The following RANBP2 variants were observed in gnomAD, a reference collection of about 807,000 sequenced individuals.
RANBP2 encodes the protein E3 SUMO-protein ligase RanBP2.
In RANBP2, 57 loss-of-function variants were observed where a neutral mutation model predicts 303.6. The ratio of observed to expected loss-of-function variants is 0.19; its 90% CI spans 0.15 to 0.23. The LOEUF is 0.23. Ranked by LOEUF, RANBP2 falls within the 10% of genes least tolerant of loss-of-function variation. The probability of loss-of-function intolerance (pLI) is 1.00; values close to 1 mark genes in which losing one functional copy is unlikely to be tolerated. For synonymous variants in RANBP2, 1,167 were observed against 1,301.5 expected, an observed-to-expected ratio of 0.90 and a Z score of 2.23; for missense variants, 3,138 against 3,780.8, an observed-to-expected ratio of 0.83 and a Z score of 4.46.
intron 17 of RANBP2, among the ~76,000 whole-genome samples, chr2:108,756,288 T>C (rs1676311614): frequency 6.6e-6 from 1 of 152,214 alleles, no homozygotes; most frequent in South Asian, 2.1e-4. Context: ...TACTATATTT[T>C]AATACTTCCA....
At chr2:108,906,866 C>T in the RANBP2 span, among the ~76,000 whole-genome samples, 2 of 152,290 alleles carry the variant, frequency 1.3e-5, no homozygotes, top group East Asian at 3.9e-4. Flanking sequence ...AAGTGGCAGC[C>T]CCATTACAGA....
intron 25 of RANBP2, among the ~76,000 whole-genome samples, chr2:108,780,669 A>G (rs1678192764): frequency 6.6e-6 from 1 of 150,440 alleles, no homozygotes; most frequent in Non-Finnish European, 1.5e-5. Flanking sequence ...AGCTGGGACC[A>G]CAGGCGCATA....
At chr2:108,824,678 A>G in the RANBP2 span, among the ~76,000 whole-genome samples, 1 of 151,178 alleles carries the variant, frequency 6.6e-6, no homozygotes, top group Non-Finnish European at 1.5e-5. Context: ...AACCAGTAAC[A>G]TAGTCATTTA....
At chr2:109,419,609 G>A in the RANBP2 span, 1 of 1,592,626 alleles carries the variant, frequency 6.3e-7, no homozygotes, top group Non-Finnish European at 8.5e-7. Flanking sequence ...GGAGAGCAGG[G>A]CACGCCTCCC....
the RANBP2 span, among the ~76,000 whole-genome samples, chr2:109,006,350 C>A: frequency 6.6e-6 from 1 of 152,000 alleles, no homozygotes; most frequent in African/African-American, 2.4e-5. Context: ...CTTGCCAACA[C>A]GCTTGGCTAA....
the RANBP2 span, among the ~76,000 whole-genome samples, chr2:109,284,636 G>T: frequency 3.3e-4 from 50 of 152,228 alleles, no homozygotes; most frequent in Non-Finnish European, 6.0e-4. Flanking sequence ...GGAGACCATT[G>T]CCAATGTCAT....
chr2:108,786,852 G>A, downstream of RANBP2: 1 of 1,593,784 alleles, frequency 6.3e-7, no homozygotes, highest in Admixed American at 1.8e-5. Flanking sequence ...AGCCACCGGG[G>A]CAGGATTTAG....
At chr2:109,534,554 TG>T in the RANBP2 span, among the ~76,000 whole-genome samples, 1 of 151,740 alleles carries the variant, frequency 6.6e-6, no homozygotes, top group African/African-American at 2.4e-5. Context: ...CCGAGGTGAG[TG>T]GATCACTTGA....
chr2:109,016,696 A>G, the RANBP2 span, among the ~76,000 whole-genome samples: 1 of 152,314 alleles, frequency 6.6e-6, no homozygotes, highest in Non-Finnish European at 1.5e-5. Flanking sequence ...TGCTGCCCAG[A>G]GCCAAGCCCT....
chr2:108,816,864 T>TA, the RANBP2 span, among the ~76,000 whole-genome samples: 5 of 152,060 alleles, frequency 3.3e-5, no homozygotes, highest in African/African-American at 9.7e-5. Context: ...AGCTAATTTT[T>TA]AAAAAAAATT....
the RANBP2 span, among the ~76,000 whole-genome samples, chr2:109,604,571 C>CA: frequency 1.4e-5 from 2 of 148,094 alleles, no homozygotes; most frequent in Non-Finnish European, 3.0e-5. Flanking sequence ...AGTAAAAATA[C>CA]AAAAAATTAG....
At chr2:108,930,021 G>T in the RANBP2 span, 1 of 1,422,890 alleles carries the variant, frequency 7.0e-7, no homozygotes. Context: ...ATATACCCTG[G>T]CATCCCCTCA....
the RANBP2 span, among the ~76,000 whole-genome samples, chr2:109,180,632 T>C: frequency 8.0e-3 from 1,222 of 152,348 alleles, 11 homozygotes; most frequent in East Asian, 0.04. Context: ...GATGATTTTA[T>C]AAGGAGAAAC....
chr2:109,654,955 C>A, the RANBP2 span, among the ~76,000 whole-genome samples: 5 of 150,712 alleles, frequency 3.3e-5, no homozygotes, highest in Non-Finnish European at 5.9e-5. Context: ...CAGGCTAGAG[C>A]GCAGTGGCGT....
chr2:109,547,485 G>C, the RANBP2 span, among the ~76,000 whole-genome samples: 1 of 149,118 alleles, frequency 6.7e-6, no homozygotes, highest in African/African-American at 2.5e-5. Context: ...TTTCTCTTAA[G>C]TGAAAAAAGC....
the RANBP2 span, among the ~76,000 whole-genome samples, chr2:109,379,914 G>A: frequency 0.012 from 1,822 of 152,264 alleles, 21 homozygotes; most frequent in Middle Eastern, 0.02. Flanking sequence ...TGGTCCAGGA[G>A]GCAAATTCTT....
the RANBP2 span, among the ~76,000 whole-genome samples, chr2:109,060,556 G>A: frequency 1.3e-5 from 2 of 152,168 alleles, no homozygotes; most frequent in Admixed American, 1.3e-4. Flanking sequence ...CTTGTGAATA[G>A]ATAATACTCA....
chr2:109,044,963 T>C, the RANBP2 span, among the ~76,000 whole-genome samples: 130,870 of 152,228 alleles, frequency 0.86, 58,293 homozygotes, highest in Non-Finnish European at 0.97. Flanking sequence ...AAGGATTTAC[T>C]GTAATAGGCC....
At chr2:108,907,978 C>T in the RANBP2 span, 37 of 1,612,040 alleles carry the variant, frequency 2.3e-5, no homozygotes, top group Middle Eastern at 3.3e-4. Flanking sequence ...GTCGACGCTC[C>T]GGCTCAGCAG....
Sources: gnomAD v4.1 joint callset for allele counts (sites outside exome capture counted in the v4.1 genomes callset) on GRCh38, gnomAD v4.1.1 for gene constraint, MANE v1.5 for transcripts, NCBI Gene and HGNC (gene_info 2026-07-23, HGNC 2026-07-21) for gene names.